ROR2: variants seen among roughly 807,000 people sequenced by gnomAD.
ROR2 encodes the protein tyrosine-protein kinase transmembrane receptor ROR2.
ROR2 carries 33 observed loss-of-function variants against 74.9 expected under a neutral mutation model. The observed-to-expected ratio is 0.44, with a 90% CI of 0.33 to 0.59. ROR2 has a LOEUF of 0.59. ROR2 is among the 20% of genes least tolerant of loss of function. ROR2 has a pLI of 0.02. For synonymous variants in ROR2, 586 were observed against 558.7 expected (o/e 1.05, Z -0.69); for missense variants, 1,216 against 1,313.8 (o/e 0.93, Z 1.15).
intron 4 of ROR2, among the ~76,000 whole-genome samples, chr9:91,746,944 C>T (rs1436868718): frequency 6.6e-6 from 1 of 152,106 alleles, no homozygotes; most frequent in East Asian, 1.9e-4. Context: ...AGGACAGCAA[C>T]ACACGCCAGC....
chr9:91,823,092 A>T (rs1038596523), intron 1 of ROR2, among the ~76,000 whole-genome samples: 4 of 152,232 alleles, frequency 2.6e-5, no homozygotes, highest in Non-Finnish European at 4.4e-5. Context: ...CTAAGCAGTT[A>T]TAACAAGCAG....
chr9:91,829,009 T>C (rs1187211890), intron 1 of ROR2, among the ~76,000 whole-genome samples: 1 of 152,220 alleles, frequency 6.6e-6, no homozygotes, highest in African/African-American at 2.4e-5. Context: ...CTATTTTAAA[T>C]GGCTAAATGA....
chr9:91,926,820 G>A (rs1270854209), intron 1 of ROR2, among the ~76,000 whole-genome samples: 1 of 152,080 alleles, frequency 6.6e-6, no homozygotes, highest in Non-Finnish European at 1.5e-5. Flanking sequence ...GGAGAATTGG[G>A]GTTGCCAGGA....
chr9:91,801,540 C>G (rs1284388795), intron 1 of ROR2, among the ~76,000 whole-genome samples: 1 of 152,158 alleles, frequency 6.6e-6, no homozygotes, highest in Non-Finnish European at 1.5e-5. Context: ...GCCATGTTGG[C>G]CACGATGGTC....
intron 1 of ROR2, among the ~76,000 whole-genome samples, chr9:91,829,393 C>A (rs1828389720): frequency 6.6e-6 from 1 of 151,524 alleles, no homozygotes; most frequent in South Asian, 2.1e-4. Flanking sequence ...AACACACACA[C>A]ACAAAAATTA....
chr9:91,827,919 T>C (rs1828343596), intron 1 of ROR2, among the ~76,000 whole-genome samples: 1 of 152,256 alleles, frequency 6.6e-6, no homozygotes, highest in Non-Finnish European at 1.5e-5. Context: ...TGCCATGTTG[T>C]TGTAGTTTTT....
chr9:91,892,354 G>A (rs897557777), intron 1 of ROR2, among the ~76,000 whole-genome samples: 1 of 152,184 alleles, frequency 6.6e-6, no homozygotes, highest in Non-Finnish European at 1.5e-5. Context: ...GCCTGGGACA[G>A]AACCCCAGTT....
intron 1 of ROR2, among the ~76,000 whole-genome samples, chr9:91,921,574 G>C (rs1831262684): frequency 6.6e-6 from 1 of 152,152 alleles, no homozygotes; most frequent in South Asian, 2.1e-4. Flanking sequence ...TCTTTTAAAA[G>C]TAAATGAAGC....
chr9:91,921,250 G>T (rs1831255794), intron 1 of ROR2, among the ~76,000 whole-genome samples: 1 of 152,252 alleles, frequency 6.6e-6, no homozygotes, highest in Admixed American at 6.5e-5. Flanking sequence ...CAACAAAGAA[G>T]TGGCTACTTC....
intron 1 of ROR2, among the ~76,000 whole-genome samples, chr9:91,802,723 C>G (rs947009584): frequency 2.0e-5 from 3 of 152,094 alleles, no homozygotes; most frequent in Non-Finnish European, 4.4e-5. Flanking sequence ...TGCAGTGGCA[C>G]GAGGTGCGCA....
At chr9:91,811,150 C>T (rs1827737647) in intron 1 of ROR2, among the ~76,000 whole-genome samples, 1 of 152,250 alleles carries the variant, frequency 6.6e-6, no homozygotes, top group Non-Finnish European at 1.5e-5. Context: ...TTCCTTCCCA[C>T]ACCTCCCCTA....
At chr9:91,805,895 A>G (rs1827531081) in intron 1 of ROR2, among the ~76,000 whole-genome samples, 1 of 152,254 alleles carries the variant, frequency 6.6e-6, no homozygotes, top group Non-Finnish European at 1.5e-5. Context: ...CACAGGGACA[A>G]AACTGATGGA....
intron 1 of ROR2, among the ~76,000 whole-genome samples, chr9:91,780,333 C>T (rs193208005): frequency 3.3e-5 from 5 of 150,580 alleles, no homozygotes; most frequent in African/African-American, 1.2e-4. Flanking sequence ...GCCGAGATCA[C>T]GCCACACTAC....
intron 1 of ROR2, among the ~76,000 whole-genome samples, chr9:91,846,904 A>G (rs1027234552): frequency 6.6e-6 from 1 of 152,150 alleles, no homozygotes; most frequent in Non-Finnish European, 1.5e-5. Flanking sequence ...GTGCCTCCAG[A>G]AATTATCTGT....
At chr9:91,869,510 C>T (rs1829733353) in intron 1 of ROR2, among the ~76,000 whole-genome samples, 1 of 152,160 alleles carries the variant, frequency 6.6e-6, no homozygotes, top group Non-Finnish European at 1.5e-5. Context: ...TGGGTAACTG[C>T]AACAACTTGG....
At chr9:91,799,004 A>T (rs1296068461) in intron 1 of ROR2, among the ~76,000 whole-genome samples, 1 of 152,072 alleles carries the variant, frequency 6.6e-6, no homozygotes, top group African/African-American at 2.4e-5. Flanking sequence ...CCACACAGAA[A>T]CACCAAGCTG....
intron 2 of ROR2, among the ~76,000 whole-genome samples, chr9:91,775,117 G>T (rs1696610695): frequency 1.3e-5 from 2 of 152,358 alleles, no homozygotes. Context: ...GAACTAGGAA[G>T]TGTGTGTGTT....
intron 2 of ROR2, among the ~76,000 whole-genome samples, chr9:91,772,695 C>T (rs1259554475): frequency 6.6e-6 from 1 of 152,316 alleles, no homozygotes; most frequent in South Asian, 2.1e-4. Flanking sequence ...GGCAAACTTC[C>T]AAACTCTGTA....
chr9:91,859,383 G>A (rs571449072), intron 1 of ROR2, among the ~76,000 whole-genome samples: 47 of 152,078 alleles, frequency 3.1e-4, no homozygotes, highest in African/African-American at 1.1e-3. Context: ...ATTTTTAGTA[G>A]AGATGGTGTT....
Sources: gnomAD v4.1 joint callset for allele counts (sites outside exome capture counted in the v4.1 genomes callset) on GRCh38, gnomAD v4.1.1 for gene constraint, MANE v1.5 for transcripts, NCBI Gene and HGNC (gene_info 2026-07-23, HGNC 2026-07-21) for gene names.